TRPM1: variants seen among roughly 807,000 people sequenced by gnomAD.
The protein encoded by TRPM1 is TRPM1-203 APA Isoform, Intron 10.
TRPM1 carries 113 observed loss-of-function variants against 149.4 expected under a neutral mutation model. The observed-to-expected ratio is 0.76, with a 90% CI of 0.65 to 0.88. TRPM1 has a LOEUF of 0.88. Among genes scored for constraint, TRPM1 ranks in the 40% least tolerant of loss-of-function variants. TRPM1 has a pLI of 0.00. For synonymous variants in TRPM1, 741 were observed against 759.5 expected (o/e 0.98, Z 0.40); for missense variants, 1,976 against 2,038.7 (o/e 0.97, Z 0.59).
At chr15:31,072,004 T>TAGAG (rs1252836234) in intron 3 of TRPM1, among the ~76,000 whole-genome samples, 8 of 53,710 alleles carry the variant, frequency 1.5e-4, no homozygotes, top group African/African-American at 4.5e-4. Flanking sequence ...TATATATATA[T>TAGAG]ATATATATAT....
At chr15:31,071,474 C>G (rs946102655) in intron 3 of TRPM1, among the ~76,000 whole-genome samples, 1 of 152,106 alleles carries the variant, frequency 6.6e-6, no homozygotes, top group Non-Finnish European at 1.5e-5. Flanking sequence ...ATGGGGCCAG[C>G]CTTGGGGCTT....
chr15:31,149,070 T>C (rs1306985171), intron 1 of TRPM1, among the ~76,000 whole-genome samples: 2 of 152,198 alleles, frequency 1.3e-5, no homozygotes, highest in African/African-American at 4.8e-5. Flanking sequence ...TGAGATGCCG[T>C]GACCAACCTT....
At chr15:31,150,933 C>T (rs2036294137) in intron 1 of TRPM1, among the ~76,000 whole-genome samples, 1 of 152,130 alleles carries the variant, frequency 6.6e-6, no homozygotes, top group African/African-American at 2.4e-5. Flanking sequence ...GTATCTCAAG[C>T]CAAGAGTCCA....
At chr15:31,062,520 G>C in intron 9 of TRPM1, 59 bp downstream of exon 9, 2 of 1,608,030 alleles carry the variant, frequency 1.2e-6, no homozygotes, top group Non-Finnish European at 8.5e-7. Flanking sequence ...GGCGGAATTA[G>C]AAAAGGAAAC....
chr15:31,121,150 C>T (rs1036118749), intron 1 of TRPM1, among the ~76,000 whole-genome samples: 7 of 139,274 alleles, frequency 5.0e-5, no homozygotes, highest in Non-Finnish European at 1.5e-5. Context: ...TGCTTTGACC[C>T]AGGAGGCAGA....
At position 31,038,028 on chromosome 15, in the gene TRPM1, C is replaced by T; in HGVS notation, c.2439+16G>A. 6.2e-7 allele frequency: 1 copy of T among 1,614,096 alleles called. No homozygotes were observed. On this transcript the variant is annotated intron_variant, in intron 19 of 27. Transcript: ENST00000256552. Reference sequence around the variant, plus strand: ...AAGATTACACTGATATGCTTAGGGTCAAGTGTGTCACTGACCGTATTTTCC... The same window carrying T: ...AAGATTACACTGATATGCTTAGGGTTAAGTGTGTCACTGACCGTATTTTCC...
intron 11 of TRPM1, among the ~76,000 whole-genome samples, chr15:31,053,891 A>G (rs2034014165): frequency 6.6e-6 from 1 of 152,246 alleles, no homozygotes; most frequent in South Asian, 2.1e-4. Context: ...ATAATGGAAT[A>G]TTATTCAGCC....
In TRPM1 at chr15:31,026,170, T is replaced by C. The variant is rs1295979040; in HGVS notation, c.3598A>G (p.Ser1200Gly). 2 of 1,612,318 alleles carry C rather than the reference T, an allele frequency of 1.2e-6. No individual in the cohort carries two copies. The highest frequency in any genetic ancestry group is 8.5e-7 in the Non-Finnish European group (1 of 1,180,018). Residue 1200 changes from serine (S) to glycine (G), a missense_variant, in exon 27 of 28, where the codon AGC becomes GGC. Physicochemically the swap from Ser to Gly is moderately conservative, Grantham distance 56. Around this residue, in one of 3 missense-constraint regions of TRPM1, gnomAD observed 572 missense variants for 578.9 expected, o/e 0.99. Coordinates refer to ENST00000256552, the MANE Select transcript of TRPM1 (RefSeq NM_001252024.2). ...GAAGTGACCCGGATGCGCTCGTCGC[T>C]GGACGACTGCTGCTCATCCTCCTTC... is the stretch of plus-strand genomic sequence containing the variant. Reference protein sequence around the residue: ...REKEDEQQSSSDERIRVTSER... With the variant: ...REKEDEQQSSGDERIRVTSER...
intron 27 of TRPM1, among the ~76,000 whole-genome samples, chr15:31,016,964 C>T (rs1220753412): frequency 1.4e-5 from 1 of 69,998 alleles, no homozygotes; most frequent in Non-Finnish European, 2.7e-5. Context: ...ACCTGGCGTA[C>T]ACACACACAC....
chr15:31,072,842 C>G lies in TRPM1; in HGVS notation c.84-2616G>C, dbSNP rs185675996. Among the ~76,000 whole-genome samples, 66 of 152,082 alleles carry G rather than the reference C, an allele frequency of 4.3e-4. 1 individual carries two copies. Among genetic ancestry groups the G allele is most frequent in the Non-Finnish European group, 3.1e-4 (21 of 67,952 alleles). ...CTTTGGAAAGATGTCTATTCATTTC[C>G]TTTGCCCATTTAAAAAACTTGGGTT... On this transcript the variant is annotated intron_variant, in intron 3 of 27. Transcript: ENST00000256552.
chr15:31,006,779 T>A (rs1296226532), intron 27 of TRPM1, among the ~76,000 whole-genome samples: 1 of 152,210 alleles, frequency 6.6e-6, no homozygotes, highest in Admixed American at 6.5e-5. Flanking sequence ...CCTTCTTGGC[T>A]ATTGTTATTT....
Position 31,060,692 on chromosome 15 carries a change from G to C in TRPM1, c.1163-48C>G, listed in dbSNP as rs62038937. On this transcript the variant is annotated intron_variant, in intron 10 of 27. Transcript: ENST00000256552. ...TGATTTTTCACTCCACGCCTGGACC[G>C]CCAGGGTTTGGCAGGTGCTGGGTGG... 2.0e-6 allele frequency: 3 copies of C among 1,515,446 alleles called. No individual in the cohort carries two copies. In the South Asian group the frequency reaches 3.5e-5, roughly 17 times the overall value. 93.9% of individuals were successfully genotyped at this position (1,515,446 alleles called of 1,614,324 possible). A position where few individuals can be genotyped will look rare whatever the true frequency, so the allele number is the denominator to read the frequency against.
rs764809434 is a variant in TRPM1, at chr15:31,070,193, G to A, written c.117C>T (p.Ile39=). Residue 39 remains isoleucine, a synonymous_variant, in exon 4 of 28, where the codon ATC becomes ATT. Coordinates refer to ENST00000256552, the MANE Select transcript of TRPM1 (RefSeq NM_001252024.2). ...CCCGQFTNQH[I]PPLPSATPSK... ...TGGGTGTTGCACTTGGCAGAGGGGG[G>A]ATATGCTGGTTGGTGAACTGGCCAC... 6.1e-5 allele frequency: 98 copies of A among 1,613,956 alleles called. 2 individuals are homozygous for A. The South Asian group carries it at 9.0e-4, about 15-fold the overall frequency.
intron 1 of TRPM1, among the ~76,000 whole-genome samples, chr15:31,126,142 CAAAA>C (rs1437472521): frequency 2.6e-5 from 4 of 152,020 alleles, no homozygotes; most frequent in African/African-American, 7.2e-5. Context: ...AAAAAACAAA[CAAAA>C]AGAAAGAAAC....
chr15:31,112,975 C>T (rs2035713714), intron 1 of TRPM1, among the ~76,000 whole-genome samples: 1 of 152,142 alleles, frequency 6.6e-6, no homozygotes, highest in South Asian at 2.1e-4. Context: ...GGGAAAAACT[C>T]GATTAACACA....
At chr15:31,156,572 C>T (rs1039725700) in intron 1 of TRPM1, among the ~76,000 whole-genome samples, 11 of 152,158 alleles carry the variant, frequency 7.2e-5, no homozygotes, top group African/African-American at 2.2e-4. Context: ...AACCAGAAAA[C>T]CTTTGTATCC....
chr15:31,121,525 T>G (rs1367656852), intron 1 of TRPM1, among the ~76,000 whole-genome samples: 1 of 152,052 alleles, frequency 6.6e-6, no homozygotes, highest in African/African-American at 2.4e-5. Context: ...AAAAGGATAA[T>G]AAAGGAATAA....
At chr15:31,097,660 A>C (rs1222821291) in intron 1 of TRPM1, among the ~76,000 whole-genome samples, 1 of 152,210 alleles carries the variant, frequency 6.6e-6, no homozygotes, top group African/African-American at 2.4e-5. Context: ...ACAGAACTCT[A>C]AAGTGTAAAC....
intron 27 of TRPM1, among the ~76,000 whole-genome samples, chr15:31,008,071 TTTTCATTTG>T (rs1315758059): frequency 6.6e-6 from 1 of 152,216 alleles, no homozygotes; most frequent in African/African-American, 2.4e-5. Flanking sequence ...TTCTAGGACG[TTTTCATTTG>T]TTTCATTTTG....
Sources: allele counts gnomAD v4.1 joint callset (sites outside exome capture counted in the v4.1 genomes callset), GRCh38; gene constraint gnomAD v4.1.1; regional missense constraint gnomAD v4.1.1; transcripts MANE v1.5; gene names NCBI Gene and HGNC (gene_info 2026-07-23, HGNC 2026-07-21).